KATNBL1: variants seen among roughly 807,000 people sequenced by gnomAD.
KATNBL1 encodes KATNB1-like protein 1.
KATNBL1 carries 28 observed loss-of-function variants against 44.7 expected under a neutral mutation model. That is an observed-to-expected ratio of 0.63 (90% CI 0.46 to 0.86). The LOEUF is 0.86. Ranked by LOEUF, KATNBL1 falls within the 40% of genes least tolerant of loss-of-function variation. The probability of loss-of-function intolerance (pLI) is 0.00; values close to 1 mark genes in which losing one functional copy is unlikely to be tolerated. For synonymous variants in KATNBL1, 78 were observed against 114.9 expected, an observed-to-expected ratio of 0.68 and a Z score of 2.06; for missense variants, 272 against 350.7, an observed-to-expected ratio of 0.78 and a Z score of 1.79.
intron 5 of KATNBL1, 94 bp downstream of exon 5, chr15:34,148,538 T>C (rs1888376858): frequency 2.8e-6 from 2 of 706,170 alleles, no homozygotes; most frequent in Non-Finnish European, 5.0e-6. Flanking sequence ...CAGTGAGCCA[T>C]GATTGTGCCA....
intron 2 of KATNBL1, among the ~76,000 whole-genome samples, chr15:34,161,250 A>G (rs1288917435): frequency 6.6e-6 from 1 of 151,802 alleles, no homozygotes; most frequent in Non-Finnish European, 1.5e-5. Context: ...GTATGTGATT[A>G]TTTTTTTTCC....
At chr15:34,151,225 T>C (rs546029965) in intron 4 of KATNBL1, among the ~76,000 whole-genome samples, 74 of 152,332 alleles carry the variant, frequency 4.9e-4, no homozygotes, top group Non-Finnish European at 7.1e-4. Flanking sequence ...AAGTGTTCTT[T>C]TTCCACAACC....
At chr15:34,176,570 A>G (rs1317910530) in intron 1 of KATNBL1, among the ~76,000 whole-genome samples, 3 of 152,214 alleles carry the variant, frequency 2.0e-5, no homozygotes, top group Non-Finnish European at 4.4e-5. Flanking sequence ...ATAATTGTAT[A>G]TATAGGCACA....
intron 1 of KATNBL1, among the ~76,000 whole-genome samples, chr15:34,196,904 C>G (rs936974625): frequency 1.6e-4 from 25 of 152,176 alleles, no homozygotes; most frequent in Non-Finnish European, 2.9e-5. Context: ...ATTTGATATA[C>G]AGTTTTTCAG....
chr15:34,152,956 C>T lies in KATNBL1; in HGVS notation c.272G>A (p.Gly91Glu). The T allele has an allele frequency of 6.2e-7, 1 of 1,614,096 alleles. No individual in the cohort carries two copies. Among genetic ancestry groups the T allele is most frequent in the South Asian group, 1.1e-5 (1 of 91,084 alleles). ...ATTTGCCATGTCACAGCCCCCACTT[C>T]CAGGGGACTGTTTTTTTCTGTAACA... ...NPCYRKKQSP[G>E]SGGCDMANKE... is the part of the protein sequence containing the mutation. The change falls in exon 4 of 10, where the codon GGA (glycine) becomes GAA (glutamate). Residue 91 changes from glycine (G) to glutamate (E), a missense_variant. Physicochemically the swap from Gly to Glu is moderately conservative, Grantham distance 98 (BLOSUM62 -2). Coordinates refer to ENST00000256544, the MANE Select transcript of KATNBL1 (RefSeq NM_024713.3).
At position 34,205,749 on chromosome 15, in the gene KATNBL1, G is replaced by A. The variant is rs150344255; in HGVS notation, c.-15+4202C>T. Among the ~76,000 whole-genome samples, 318 of 152,156 alleles carry A rather than the reference G, an allele frequency of 2.1e-3. 1 individual carries two copies. The highest frequency in any genetic ancestry group is 3.5e-3 in the South Asian group (17 of 4,814). On this transcript the variant is annotated intron_variant, in intron 1 of 9. Coordinates refer to ENST00000256544, the MANE Select transcript of KATNBL1 (RefSeq NM_024713.3). ...AACCCATTCCTTCATTTCTTCACTC[G>A]TTCAACAAATATTAAGTACATGTTA...
chr15:34,190,298 AG>A (rs1156937587), intron 1 of KATNBL1, among the ~76,000 whole-genome samples: 1 of 152,208 alleles, frequency 6.6e-6, no homozygotes. Flanking sequence ...ACGAATAACA[AG>A]GAAGCCAATG....
chr15:34,181,805 T>C (rs1889562297), intron 1 of KATNBL1, among the ~76,000 whole-genome samples: 1 of 77,954 alleles, frequency 1.3e-5, no homozygotes, highest in African/African-American at 7.1e-5. Flanking sequence ...TCCATATATA[T>C]ACATATATAC....
intron 1 of KATNBL1, among the ~76,000 whole-genome samples, chr15:34,203,525 A>T (rs966357648): frequency 1.3e-5 from 2 of 152,030 alleles, no homozygotes; most frequent in African/African-American, 4.8e-5. Context: ...CCTCACTTAC[A>T]ATCATTCTCT....
chr15:34,209,757 A>G (rs6495620), intron 1 of KATNBL1, 194 bp downstream of exon 1: 113,564 of 151,242 alleles, frequency 0.75, 42,739 homozygotes, highest in Non-Finnish European at 0.78. Flanking sequence ...CCCCGCAGGG[A>G]CCGGCAGAGG....
chr15:34,194,010 C>A lies in KATNBL1; in HGVS notation c.-15+15941G>T, dbSNP rs193082204. Among the ~76,000 whole-genome samples, 4 of 152,122 alleles carry A rather than the reference C, an allele frequency of 2.6e-5. No homozygotes were observed. In the South Asian group the frequency reaches 8.3e-4, roughly 32 times the overall value. On this transcript the variant is annotated intron_variant, in intron 1 of 9. Coordinates refer to ENST00000256544, the MANE Select transcript of KATNBL1 (RefSeq NM_024713.3). ...AGACTGGAATGCAGTGGCACGATCT[C>A]GGCTCACCACAACGTCCGCCTCCTG...
At chr15:34,200,548 AC>A (rs1476003444) in intron 1 of KATNBL1, among the ~76,000 whole-genome samples, 1 of 152,014 alleles carries the variant, frequency 6.6e-6, no homozygotes, top group African/African-American at 2.4e-5. Context: ...GGCGTGAGCC[AC>A]CACGCCCCGC....
intron 1 of KATNBL1, among the ~76,000 whole-genome samples, chr15:34,170,481 A>G (rs1317497952): frequency 1.3e-5 from 2 of 152,246 alleles, no homozygotes; most frequent in African/African-American, 2.4e-5. Flanking sequence ...ATGGATAGGA[A>G]GAATCAATAT....
intron 2 of KATNBL1, among the ~76,000 whole-genome samples, chr15:34,162,430 T>A (rs2140928518): frequency 6.6e-6 from 1 of 152,326 alleles, no homozygotes; most frequent in East Asian, 1.9e-4. Flanking sequence ...CACATGGAAC[T>A]GTGAGTCCAT....
At chr15:34,181,081 A>G (rs547294145) in intron 1 of KATNBL1, among the ~76,000 whole-genome samples, 1 of 152,286 alleles carries the variant, frequency 6.6e-6, no homozygotes, top group South Asian at 2.1e-4. Context: ...ATCATCCTAT[A>G]CAAGTGTTAC....
At chr15:34,160,632 A>G (rs1031560300) in intron 2 of KATNBL1, among the ~76,000 whole-genome samples, 2 of 152,170 alleles carry the variant, frequency 1.3e-5, no homozygotes, top group South Asian at 2.1e-4. Context: ...TCATTTCTCT[A>G]AAGTCTTTTC....
intron 9 of KATNBL1, among the ~76,000 whole-genome samples, chr15:34,143,190 T>C (rs1004231629): frequency 2.8e-4 from 42 of 149,966 alleles, no homozygotes; most frequent in African/African-American, 1.0e-3. Flanking sequence ...AAAAACTGAT[T>C]GTGGCCGGGT....
rs1476398022 is a variant in KATNBL1, at chr15:34,152,929, T to G, written c.299A>C (p.Lys100Thr). 1 of 1,614,156 alleles carries G rather than the reference T, an allele frequency of 6.2e-7. No homozygotes were observed. Among genetic ancestry groups the G allele is most frequent in the Admixed American group, 1.7e-5 (1 of 60,020 alleles). The change falls in exon 4 of 10, where the codon AAA (lysine) becomes ACA (threonine). Residue 100 changes from lysine to threonine, a missense_variant. Coordinates refer to ENST00000256544, the MANE Select transcript of KATNBL1 (RefSeq NM_024713.3). Reference protein sequence around the residue: ...PGSGGCDMANKENELACAGHL... With the variant: ...PGSGGCDMANTENELACAGHL... ...GCCTGCACAAGCCAGTTCATTTTCT[T>G]TATTTGCCATGTCACAGCCCCCACT...
intron 1 of KATNBL1, among the ~76,000 whole-genome samples, chr15:34,201,307 CTA>C: frequency 6.6e-6 from 1 of 152,272 alleles, no homozygotes; most frequent in East Asian, 1.9e-4. Flanking sequence ...TAGCAAAACA[CTA>C]TGTTACCACT....
Sources: allele counts gnomAD v4.1 joint callset (sites outside exome capture counted in the v4.1 genomes callset), GRCh38; gene constraint gnomAD v4.1.1; transcripts MANE v1.5; gene names NCBI Gene and HGNC (gene_info 2026-07-23, HGNC 2026-07-21).